Variants in ZNF540 observed in about 807,000 individuals in gnomAD.
ZNF540 encodes the protein CTD-3064H18.6.
In ZNF540, 3 loss-of-function variants were observed where a neutral mutation model predicts 11.8. The ratio of observed to expected loss-of-function variants is 0.25; its 90% confidence interval spans 0.12 to 0.65. The LOEUF (loss-of-function observed/expected upper bound fraction) is 0.65, where lower values mean the gene tolerates loss of function less well. Ranked by LOEUF, ZNF540 falls within the 30% of genes least tolerant of loss-of-function variation. ZNF540 has a pLI of 0.83. For missense variants in ZNF540, 709 were observed against 793.1 expected, an observed-to-expected ratio of 0.89 and a Z score of 1.27; for synonymous variants, 247 against 259.0, an observed-to-expected ratio of 0.95 and a Z score of 0.45.
chr19:37,565,334 C>T, intron 1 of ZNF540: 1 of 1,612,872 alleles, frequency 6.2e-7, no homozygotes, highest in South Asian at 1.1e-5. Flanking sequence ...GCATTCTTTA[C>T]ATTCATAGGG....
intron 1 of ZNF540, among the ~76,000 whole-genome samples, chr19:37,576,988 A>C (rs12151280): frequency 0.21 from 31,796 of 152,070 alleles, 3,427 homozygotes; most frequent in South Asian, 0.35. Flanking sequence ...CATCTTCTGC[A>C]AAACCTTAAA....
At chr19:37,562,626 C>CAA (rs1271381636) in intron 1 of ZNF540, 1 of 152,172 alleles carries the variant, frequency 6.6e-6, no homozygotes, top group African/African-American at 2.4e-5. Context: ...ACACCATTAA[C>CAA]CTCTTCTCAC....
At chr19:37,565,728 G>T in intron 1 of ZNF540, 2 of 1,613,586 alleles carry the variant, frequency 1.2e-6, no homozygotes, top group Non-Finnish European at 1.7e-6. Flanking sequence ...TGTGAACCAC[G>T]AATAAAAGCT....
At chr19:37,589,864 C>CAAAAAAA (rs60136941), upstream of ZNF540, among the ~76,000 whole-genome samples, 274 of 29,578 alleles carry the variant, frequency 9.3e-3, 77 homozygotes, top group Middle Eastern at 0.071. Context: ...GACTCCATCT[C>CAAAAAAA]AAAAAAAAAA....
At chr19:37,586,577 C>A in intron 1 of ZNF540, 1 of 1,522,192 alleles carries the variant, frequency 6.6e-7, no homozygotes, top group Non-Finnish European at 9.1e-7. Flanking sequence ...CTTAAGGAAC[C>A]AAACAAGGCA....
At chr19:37,598,795 C>CAT (rs1332400425) in intron 2 of ZNF540, among the ~76,000 whole-genome samples, 9 of 61,974 alleles carry the variant, frequency 1.5e-4, no homozygotes, top group African/African-American at 4.7e-4. Flanking sequence ...TCCACAGATC[C>CAT]TGTGTCTGTA....
At chr19:37,601,533 A>G (rs1337536119) in intron 4 of ZNF540, among the ~76,000 whole-genome samples, 1 of 152,206 alleles carries the variant, frequency 6.6e-6, no homozygotes, top group African/African-American at 2.4e-5. Context: ...AAACCTCCCT[A>G]CACTAATGGA....
chr19:37,580,188 T>G (rs2043402602), intron 1 of ZNF540, among the ~76,000 whole-genome samples: 1 of 152,234 alleles, frequency 6.6e-6, no homozygotes, highest in Admixed American at 6.5e-5. Flanking sequence ...CCAGCTATAT[T>G]ATCAGGTTTA....
At chr19:37,566,832 T>G (rs561094261) in intron 1 of ZNF540, among the ~76,000 whole-genome samples, 1 of 152,122 alleles carries the variant, frequency 6.6e-6, no homozygotes, top group Admixed American at 6.6e-5. Context: ...CTAAAAATCT[T>G]CCCTATTAAT....
At chr19:37,589,378 TTAAA>T (rs1231132898) in intron 1 of ZNF540, among the ~76,000 whole-genome samples, 1 of 151,668 alleles carries the variant, frequency 6.6e-6, no homozygotes, top group African/African-American at 2.4e-5. Flanking sequence ...TATGCGCAAC[TTAAA>T]TAAAAAACAG....
intron 1 of ZNF540, among the ~76,000 whole-genome samples, chr19:37,572,146 C>G (rs978142592): frequency 1.3e-5 from 2 of 152,090 alleles, no homozygotes; most frequent in Non-Finnish European, 2.9e-5. Flanking sequence ...TTCTGTTACC[C>G]CTATCACTTA....
Position 37,584,245 on chromosome 19 carries a change from TA to T in ZNF540, c.-72-14130del, listed in dbSNP as rs1262238898. 1.2e-5 allele frequency: 11 copies of T among 951,064 alleles called. No individual in the cohort carries two copies. The African/African-American group carries it at 1.8e-4, about 16-fold the overall frequency. 58.9% of individuals were successfully genotyped at this position (951,064 alleles called of 1,614,324 possible). On this transcript the variant is annotated intron_variant, in intron 1 of 4. Transcript: ENST00000592533. The stretch of plus-strand genomic sequence containing the variant: ...AAACAGTAGTATTAACCTGATTCTC[TA>T]TCATTCCTATTGCCACAGATAAAAC...
chr19:37,573,668 CAAAA>C (rs55763844), intron 1 of ZNF540, among the ~76,000 whole-genome samples: 1 of 88,134 alleles, frequency 1.1e-5, no homozygotes. Context: ...CTTGTGTCTA[CAAAA>C]AAAAAAAAAA....
intron 1 of ZNF540, chr19:37,575,639 C>T (rs1955554652): frequency 6.6e-6 from 1 of 152,204 alleles, no homozygotes; most frequent in Non-Finnish European, 1.5e-5. Context: ...GGGTCACGGA[C>T]TTAAGATTGC....
rs575925049 is a variant in ZNF540, at chr19:37,569,127, A to G, written c.-73+17462A>G. ...ACCACCATGCCTGGCTCATTTTTGT[A>G]TTTTTAGTAGAGATAGGCCTTCACC... On this transcript the variant is annotated intron_variant, in intron 1 of 4. Transcript: ENST00000592533. This position sits in a 1 kb window ranked among gnomAD's most constrained non-coding sequence, Gnocchi z 4.4. Among the ~76,000 whole-genome samples the G allele has an allele frequency of 1.3e-5, 2 of 151,982 alleles. No homozygotes were observed. The highest frequency in any genetic ancestry group is 1.3e-4 in the Admixed American group (2 of 15,264).
At chr19:37,575,741 ATTT>A (rs1374372139) in intron 1 of ZNF540, 2 of 152,290 alleles carry the variant, frequency 1.3e-5, no homozygotes, top group Non-Finnish European at 2.9e-5. Context: ...CACACTTGGT[ATTT>A]TTTAATTTAG....
At chr19:37,608,907 C>A (rs530352239) in intron 4 of ZNF540, among the ~76,000 whole-genome samples, 1 of 152,106 alleles carries the variant, frequency 6.6e-6, no homozygotes, top group African/African-American at 2.4e-5. Flanking sequence ...TCCCAAAGTG[C>A]TGGGATTACA....
Position 37,613,420 on chromosome 19 carries a change from T to C in ZNF540, c.*157T>C. The C allele has an allele frequency of 1.9e-6, 1 of 526,272 alleles. No individual in the cohort carries two copies. The allele number at this position is 526,272 out of a possible 1,614,324, so 32.6% of individuals were successfully genotyped here. ...TAGTTCTCATTAAATTTAGGAAAAT[T>C]CACACTAGAAAATAAAGCTGTTAAT... On this transcript the variant is annotated 3_prime_UTR_variant, in exon 5 of 5. Transcript: ENST00000316433.
intron 1 of ZNF540, among the ~76,000 whole-genome samples, chr19:37,579,150 C>T (rs1329846292): frequency 6.6e-6 from 1 of 152,206 alleles, no homozygotes; most frequent in Non-Finnish European, 1.5e-5. Context: ...TAGGACCCTG[C>T]ATGAGAGTTC....
Sources: allele counts gnomAD v4.1 joint callset (sites outside exome capture counted in the v4.1 genomes callset), GRCh38; gene constraint gnomAD v4.1.1; non-coding constraint Gnocchi (gnomAD v3.1); transcripts MANE v1.5; gene names NCBI Gene and HGNC (gene_info 2026-07-23, HGNC 2026-07-21).